The following TRIO variants were observed in gnomAD, a reference collection of about 807,000 sequenced individuals.
TRIO encodes trio Rho guanine nucleotide exchange factor, also known as triple functional domain protein.
TRIO carries 58 observed loss-of-function variants against 351.9 expected under a neutral mutation model. The observed-to-expected ratio is 0.16, with a 90% CI of 0.13 to 0.21. The LOEUF is 0.21. TRIO is among the 10% of genes least tolerant of loss of function. The pLI is 1.00. For missense variants in TRIO, 3,201 were observed against 4,027.8 expected, an observed-to-expected ratio of 0.79 and a Z score of 5.56; for synonymous variants, 1,758 against 1,595.7, an observed-to-expected ratio of 1.10 and a Z score of -2.42.
intron 34 of TRIO, among the ~76,000 whole-genome samples, chr5:14,459,189 G>A (rs544359653): frequency 5.5e-4 from 84 of 152,290 alleles, no homozygotes; most frequent in African/African-American, 1.8e-3. Context: ...CAGTGAGACG[G>A]GCGTGTGCTG....
At chr5:14,475,164 TC>T (rs765197980) in intron 40 of TRIO, among the ~76,000 whole-genome samples, 2 of 152,156 alleles carry the variant, frequency 1.3e-5, no homozygotes, top group Non-Finnish European at 2.9e-5. Context: ...ACTTTAAAAA[TC>T]CTTAATCATC....
chr5:14,291,990 A>C (rs1736958569), intron 5 of TRIO, among the ~76,000 whole-genome samples: 2 of 152,164 alleles, frequency 1.3e-5, no homozygotes. Context: ...CAACTGGTCA[A>C]AGTGAATCCT....
chr5:14,172,931 G>A (rs1009025952), intron 1 of TRIO, among the ~76,000 whole-genome samples: 3 of 152,220 alleles, frequency 2.0e-5, no homozygotes, highest in African/African-American at 7.2e-5. Flanking sequence ...AAGATCAGCG[G>A]TGGAGCGAAT....
chr5:14,209,541 G>T (rs1325062988), intron 1 of TRIO, among the ~76,000 whole-genome samples: 1 of 152,136 alleles, frequency 6.6e-6, no homozygotes, highest in Non-Finnish European at 1.5e-5. Flanking sequence ...ACTCTTCCAT[G>T]CTTGTATCGT....
chr5:14,429,374 G>A (rs1056338047), intron 34 of TRIO, among the ~76,000 whole-genome samples: 15 of 152,108 alleles, frequency 9.9e-5, no homozygotes, highest in Non-Finnish European at 1.9e-4. Flanking sequence ...GAGATTTTGT[G>A]ATTATATTGT....
intron 45 of TRIO, 162 bp downstream of exon 45, chr5:14,481,780 T>A: frequency 1.4e-6 from 1 of 692,318 alleles, no homozygotes; most frequent in East Asian, 3.0e-5. Flanking sequence ...CCTTTTTTTT[T>A]TTTTTTTTTT....
At chr5:14,330,660 T>G in intron 9 of TRIO, 118 bp from the exon 10 acceptor site, 1 of 1,326,400 alleles carries the variant, frequency 7.5e-7, no homozygotes, top group Non-Finnish European at 9.9e-7. Context: ...TTTTTTCTCG[T>G]TTGCTTCTTG....
In TRIO at chr5:14,465,037, C is replaced by T. The variant is rs1012292082; in HGVS notation, c.5668-508C>T. On this transcript the variant is annotated intron_variant, in intron 36 of 56. Transcript: ENST00000344204. ...TCCCCCTCCTTCCCTGTCTGGTCAC[C>T]GCACCCCGTTCCTTTCCTCTTCCTC... is the stretch of plus-strand genomic sequence containing the variant. Among the ~76,000 whole-genome samples, 7 of 152,098 alleles carry T rather than the reference C, an allele frequency of 4.6e-5. No individual in the cohort carries two copies. The South Asian group carries it at 8.3e-4, about 18-fold the overall frequency.
intron 1 of TRIO, among the ~76,000 whole-genome samples, chr5:14,152,662 G>C (rs556355494): frequency 6.6e-6 from 1 of 152,188 alleles, no homozygotes; most frequent in Admixed American, 6.5e-5. Flanking sequence ...GAGCCACTGC[G>C]TCCGTATTTC....
intron 6 of TRIO, among the ~76,000 whole-genome samples, chr5:14,294,300 C>T (rs1042727620): frequency 3.1e-4 from 47 of 152,140 alleles, no homozygotes; most frequent in African/African-American, 1.1e-3. Context: ...TAGGTAGTTT[C>T]AAAGATAAGA....
intron 37 of TRIO, 30 bp from the exon 38 acceptor site, chr5:14,471,288 A>C: frequency 6.2e-7 from 1 of 1,608,156 alleles, no homozygotes; most frequent in African/African-American, 1.3e-5. Flanking sequence ...GTGGGCAGTA[A>C]GTGTTGTTGA....
At chr5:14,471,289 G>C (rs1262540236) in intron 37 of TRIO, 29 bp from the exon 38 acceptor site, 10 of 1,611,182 alleles carry the variant, frequency 6.2e-6, no homozygotes, top group Non-Finnish European at 8.5e-6. Context: ...TGGGCAGTAA[G>C]TGTTGTTGAT....
intron 1 of TRIO, among the ~76,000 whole-genome samples, chr5:14,195,606 T>A (rs1790723818): frequency 6.6e-6 from 1 of 152,248 alleles, no homozygotes; most frequent in African/African-American, 2.4e-5. Flanking sequence ...CTGAACCAGT[T>A]GCTAGTGTGG....
Position 14,369,370 on chromosome 5 carries a change from A to T in TRIO, c.3067-4A>T, listed in dbSNP as rs200412925. ...TCTGAGCCTCAAACTTTTCCTGCTC[A>T]CAGGTCTGCAGCGTCCTCGAGAGCC... On this transcript the variant is annotated splice_polypyrimidine_tract_variant and splice_region_variant and intron_variant, in intron 17 of 56. Coordinates refer to ENST00000344204, the MANE Select transcript of TRIO (RefSeq NM_007118.4). 3,440 of 1,602,304 alleles carry T rather than the reference A, an allele frequency of 2.1e-3. 110 individuals are homozygous for T. The South Asian group carries it at 0.036, about 17-fold the overall frequency.
At chr5:14,212,604 G>C (rs142856752) in intron 1 of TRIO, among the ~76,000 whole-genome samples, 1 of 152,152 alleles carries the variant, frequency 6.6e-6, no homozygotes. Flanking sequence ...CCTGAGGAAG[G>C]CCTGTGGTGG....
At chr5:14,428,763 A>T (rs1579628199) in intron 34 of TRIO, among the ~76,000 whole-genome samples, 1 of 152,248 alleles carries the variant, frequency 6.6e-6, no homozygotes, top group South Asian at 2.1e-4. Context: ...TAGCAGAGTC[A>T]TAAACAATGA....
At chr5:14,151,652 A>G (rs975699807) in intron 1 of TRIO, among the ~76,000 whole-genome samples, 1 of 152,182 alleles carries the variant, frequency 6.6e-6, no homozygotes, top group Non-Finnish European at 1.5e-5. Flanking sequence ...AGTCGTTAAG[A>G]TGTTGGCCAA....
rs1400170549 is a variant in TRIO, at chr5:14,508,044, C to G, written c.8916C>G (p.Thr2972=). Residue 2972 remains threonine, a synonymous_variant, in exon 57 of 57, where the codon ACC becomes ACG. Transcript: ENST00000344204. ...TCCTCGGGAACCCTGTCTCCCTGAC[C>G]TCGGATACGTGGAGTGTTGGAGTGC... ...EIILGNPVSL[T]SDTWSVGVLT... 4.3e-6 allele frequency: 7 copies of G among 1,614,122 alleles called. No homozygotes were observed. The highest frequency in any genetic ancestry group is 5.1e-6 in the Non-Finnish European group (6 of 1,180,054).
intron 34 of TRIO, among the ~76,000 whole-genome samples, chr5:14,425,468 G>A (rs980543988): frequency 6.6e-6 from 1 of 152,200 alleles, no homozygotes; most frequent in Non-Finnish European, 1.5e-5. Flanking sequence ...ATGGGCACTT[G>A]GGTTGCTTCT....
Sources: allele counts gnomAD v4.1 joint callset (sites outside exome capture counted in the v4.1 genomes callset), GRCh38; gene constraint gnomAD v4.1.1; transcripts MANE v1.5; gene names NCBI Gene and HGNC (gene_info 2026-07-23, HGNC 2026-07-21).